The following ANO2 variants were observed in gnomAD, a reference collection of about 807,000 sequenced individuals.
ANO2 encodes anoctamin-2.
ANO2 carries 101 observed loss-of-function variants against 124.2 expected under a neutral mutation model. The ratio of observed to expected loss-of-function variants is 0.81; its 90% CI spans 0.69 to 0.96. ANO2 has a LOEUF of 0.96. ANO2 is among the 40% of genes least tolerant of loss of function. ANO2 has a pLI of 0.00. For synonymous variants in ANO2, 486 were observed against 482.5 expected (o/e 1.01, Z -0.09); for missense variants, 1,293 against 1,274.5 (o/e 1.01, Z -0.22).
At chr12:5,889,181 G>A (rs147634813) in intron 3 of ANO2, among the ~76,000 whole-genome samples, 3 of 152,248 alleles carry the variant, frequency 2.0e-5, no homozygotes, top group East Asian at 1.9e-4. Context: ...CAGAACTCGC[G>A]CTGGCCCCCA....
At chr12:5,602,436 T>C (rs1161280026) in intron 19 of ANO2, among the ~76,000 whole-genome samples, 1 of 149,902 alleles carries the variant, frequency 6.7e-6, no homozygotes, top group Non-Finnish European at 1.5e-5. Context: ...GTATTTTTAG[T>C]AAAGACAGGG....
intron 3 of ANO2, among the ~76,000 whole-genome samples, chr12:5,868,514 T>C (rs1029399841): frequency 6.6e-6 from 1 of 152,228 alleles, no homozygotes; most frequent in African/African-American, 2.4e-5. Context: ...GCACAATGTC[T>C]GGCACATAGT....
At chr12:5,845,046 T>C (rs527373808) in intron 4 of ANO2, among the ~76,000 whole-genome samples, 125 of 147,382 alleles carry the variant, frequency 8.5e-4, no homozygotes, top group Middle Eastern at 7.0e-3. Flanking sequence ...CAGAGGTGGG[T>C]GGATAACTTG....
In ANO2 at chr12:5,921,350, A is replaced by C. The variant is rs760298455; in HGVS notation, c.224T>G (p.Leu75Arg). The C allele has an allele frequency of 1.2e-6, 2 of 1,613,730 alleles. No individual in the cohort carries two copies. The highest frequency in any genetic ancestry group is 1.3e-5 in the African/African-American group (1 of 75,006). The change falls in exon 3 of 25, where the codon CTG (leucine) becomes CGG (arginine). Residue 75 changes from leucine (L) to arginine (R), a missense_variant. Transcript: ENST00000682330. The part of the protein sequence containing the change: ...TRSSSVINNY[L>R]DANEPVSLEA... ...CAAGGACACAGGCTCATTGGCATCC[A>C]GATAGTTGTTGATGACCTGGCCAGA...
At chr12:5,887,066 G>A (rs1161067120) in intron 3 of ANO2, among the ~76,000 whole-genome samples, 1 of 152,178 alleles carries the variant, frequency 6.6e-6, no homozygotes, top group Non-Finnish European at 1.5e-5. Flanking sequence ...TATACATTTT[G>A]AAACGGCTAA....
At chr12:5,690,378 TG>T in intron 14 of ANO2, among the ~76,000 whole-genome samples, 1 of 152,250 alleles carries the variant, frequency 6.6e-6, no homozygotes, top group South Asian at 2.1e-4. Flanking sequence ...GCCCTGACAC[TG>T]GGGGAGCCAC....
At chr12:5,701,695 C>T (rs138673135) in intron 14 of ANO2, among the ~76,000 whole-genome samples, 15 of 152,338 alleles carry the variant, frequency 9.8e-5, no homozygotes, top group Admixed American at 4.6e-4. Context: ...CTCACCACTC[C>T]TTAGCACTTA....
intron 10 of ANO2, among the ~76,000 whole-genome samples, chr12:5,764,262 A>G (rs994329598): frequency 6.6e-6 from 1 of 152,224 alleles, no homozygotes; most frequent in Non-Finnish European, 1.5e-5. Flanking sequence ...CAGAGCAACA[A>G]TTTTATCTTT....
rs760225765 is a variant in ANO2 at position 5,806,090 on chromosome 12, C to G, written c.952G>C (p.Glu318Gln). ...YEAAYPLHDG[E>Q]YDSPEDDMND... ...ATATCGTCCTCTGGACTATCGTATT[C>G]ACCCTGTGGAGAAAAAGTGATGCTG... Residue 318 changes from glutamate (E) to glutamine (Q), a missense_variant, in exon 9 of 25, where the codon GAA becomes CAA. Transcript: ENST00000682330. 9 of 1,613,626 alleles carry G rather than the reference C, an allele frequency of 5.6e-6. No individual in the cohort carries two copies. The highest frequency in any genetic ancestry group is 7.6e-6 in the Non-Finnish European group (9 of 1,179,756).
chr12:5,798,694 A>G (rs1444609920), intron 10 of ANO2, among the ~76,000 whole-genome samples: 3 of 152,180 alleles, frequency 2.0e-5, no homozygotes, highest in Non-Finnish European at 2.9e-5. Context: ...TCAGCCTCCC[A>G]AGTTAGGACA....
chr12:5,625,778 G>T (rs2136924347), intron 16 of ANO2, among the ~76,000 whole-genome samples: 1 of 152,212 alleles, frequency 6.6e-6, no homozygotes, highest in East Asian at 1.9e-4. Flanking sequence ...TCCTGCTTCT[G>T]GTCTTCTGTG....
At chr12:5,808,532 G>A (rs576662904) in intron 7 of ANO2, among the ~76,000 whole-genome samples, 1 of 152,026 alleles carries the variant, frequency 6.6e-6, no homozygotes, top group Non-Finnish European at 1.5e-5. Context: ...GGAGGGGGAG[G>A]AGAGGGGGAA....
chr12:5,615,095 A>C (rs1203347758), intron 17 of ANO2, 91 bp downstream of exon 17: 2 of 978,372 alleles, frequency 2.0e-6, no homozygotes, highest in African/African-American at 3.3e-5. Context: ...CTGAGTGGAC[A>C]ATGGGGACAG....
intron 24 of ANO2, among the ~76,000 whole-genome samples, chr12:5,564,199 T>C (rs954270319): frequency 6.6e-6 from 1 of 152,232 alleles, no homozygotes; most frequent in Non-Finnish European, 1.5e-5. Context: ...TGGGAACCCC[T>C]GCATCCAGCT....
chr12:5,683,428 A>G (rs1198225020), intron 14 of ANO2, among the ~76,000 whole-genome samples: 1 of 152,178 alleles, frequency 6.6e-6, no homozygotes, highest in Non-Finnish European at 1.5e-5. Context: ...ACTTTAATCC[A>G]AATGAAGAGA....
intron 19 of ANO2, among the ~76,000 whole-genome samples, chr12:5,611,795 C>T (rs934132689): frequency 3.3e-5 from 5 of 152,180 alleles, no homozygotes; most frequent in South Asian, 2.1e-4. Flanking sequence ...TCCTGTCTGA[C>T]GATTACACCC....
chr12:5,796,550 A>C (rs77655764), intron 10 of ANO2, among the ~76,000 whole-genome samples: 3,632 of 151,536 alleles, frequency 0.024, 146 homozygotes, highest in African/African-American at 0.079. Flanking sequence ...AACACACACA[A>C]ACACTCTCAT....
chr12:5,921,368 T>C lies in ANO2; in HGVS notation c.208-2A>G, dbSNP rs199576725. On this transcript the variant is annotated splice_acceptor_variant, in intron 2 of 24. Transcript: ENST00000682330. LOFTEE classifies it high-confidence loss of function. ...GGCATCCAGATAGTTGTTGATGACC[T>C]GGCCAGAGAGAGAGGAGAGGCAGGG... is the stretch of plus-strand genomic sequence containing the variant. 10 of 1,612,822 alleles carry C rather than the reference T, an allele frequency of 6.2e-6. No individual in the cohort carries two copies. The East Asian group carries it at 1.8e-4, about 29-fold the overall frequency.
intron 14 of ANO2, among the ~76,000 whole-genome samples, chr12:5,674,451 A>C (rs939404411): frequency 2.0e-5 from 3 of 152,112 alleles, no homozygotes; most frequent in African/African-American, 2.4e-5. Context: ...ACCATGAGAA[A>C]TCTCTCCCAG....
Sources: gnomAD v4.1 joint callset for allele counts (sites outside exome capture counted in the v4.1 genomes callset) on GRCh38, gnomAD v4.1.1 for gene constraint, MANE v1.5 for transcripts, NCBI Gene and HGNC (gene_info 2026-07-23, HGNC 2026-07-21) for gene names.